The following KCNH7 variants were observed in gnomAD, a reference collection of about 807,000 sequenced individuals.
KCNH7 encodes potassium voltage-gated channel subfamily H member 7.
In KCNH7, 49 loss-of-function variants were observed where a neutral mutation model predicts 120.8. That is an observed-to-expected ratio of 0.41 (90% CI 0.32 to 0.51). KCNH7 has a LOEUF of 0.51. KCNH7 is among the 20% of genes least tolerant of loss of function. KCNH7 has a pLI of 0.38. For missense variants in KCNH7, 1,097 were observed against 1,446.6 expected, an observed-to-expected ratio of 0.76 and a Z score of 3.92; for synonymous variants, 547 against 516.1, an observed-to-expected ratio of 1.06 and a Z score of -0.81.
intron 2 of KCNH7, among the ~76,000 whole-genome samples, chr2:162,781,123 AG>A (rs1333102860): frequency 6.6e-6 from 1 of 152,076 alleles, no homozygotes; most frequent in East Asian, 1.9e-4. Context: ...AGAGGTTTGA[AG>A]TATTATATAC....
At chr2:162,699,272 C>A (rs1288910577) in intron 2 of KCNH7, among the ~76,000 whole-genome samples, 2 of 152,086 alleles carry the variant, frequency 1.3e-5, no homozygotes, top group African/African-American at 4.8e-5. Context: ...TAAGTGAGAT[C>A]ACATGGTATT....
At chr2:162,423,123 G>T in intron 9 of KCNH7, 1 of 955,218 alleles carries the variant, frequency 1.0e-6, no homozygotes, top group Non-Finnish European at 1.5e-6. Flanking sequence ...TTTGCATCAT[G>T]TTATAATGCC....
chr2:162,723,250 T>C (rs1687394711), intron 2 of KCNH7, among the ~76,000 whole-genome samples: 1 of 152,112 alleles, frequency 6.6e-6, no homozygotes, highest in Non-Finnish European at 1.5e-5. Flanking sequence ...CCTTTCCTGG[T>C]CTTCATGAAC....
chr2:162,638,703 T>A (rs557172048), intron 2 of KCNH7, among the ~76,000 whole-genome samples: 21 of 152,234 alleles, frequency 1.4e-4, no homozygotes, highest in Admixed American at 1.1e-3. Flanking sequence ...TGTGCAAACA[T>A]TTACTCTCTG....
intron 2 of KCNH7, among the ~76,000 whole-genome samples, chr2:162,699,662 T>G (rs886276704): frequency 6.6e-6 from 1 of 152,220 alleles, no homozygotes; most frequent in Admixed American, 6.5e-5. Flanking sequence ...GTTGATAGCA[T>G]GTCTTTTATT....
intron 9 of KCNH7, among the ~76,000 whole-genome samples, chr2:162,419,042 T>C (rs1208933524): frequency 6.6e-6 from 1 of 151,900 alleles, no homozygotes; most frequent in East Asian, 1.9e-4. Flanking sequence ...AGGATTCATC[T>C]AGTCTCTGCT....
At chr2:162,512,343 T>C (rs566455634) in intron 5 of KCNH7, among the ~76,000 whole-genome samples, 1 of 151,986 alleles carries the variant, frequency 6.6e-6, no homozygotes, top group African/African-American at 2.4e-5. Context: ...TTTGTGCCTC[T>C]GTCACATCAG....
rs1171673338 is a variant in KCNH7 at position 162,371,418 on chromosome 2, A to T, written c.*411T>A. 6 of 1,288,218 alleles carry T rather than the reference A, an allele frequency of 4.7e-6. No individual in the cohort carries two copies. The South Asian group carries it at 7.4e-5, about 16-fold the overall frequency. 79.8% of individuals were successfully genotyped at this position (1,288,218 alleles called of 1,614,324 possible). A position where few individuals can be genotyped will look rare whatever the true frequency, so the allele number is the denominator to read the frequency against. On this transcript the variant is annotated 3_prime_UTR_variant, in exon 16 of 16. Transcript: ENST00000332142. The stretch of plus-strand genomic sequence containing the variant: ...CCCCTGGAATTCCCATGAGTTGAGG[A>T]TCATCTGAATTTGAGTTGCATCCAT...
intron 2 of KCNH7, among the ~76,000 whole-genome samples, chr2:162,539,004 G>A (rs139497662): frequency 1.1e-4 from 17 of 152,156 alleles, no homozygotes; most frequent in African/African-American, 3.9e-4. Flanking sequence ...TACAGATGTT[G>A]GAAAATATGC....
intron 5 of KCNH7, 152 bp downstream of exon 5, chr2:162,512,502 A>G: frequency 3.5e-6 from 2 of 572,354 alleles, no homozygotes; most frequent in Non-Finnish European, 6.3e-6. Context: ...GTCTGTAGCA[A>G]AATCAAGCCA....
chr2:162,698,835 C>A (rs939870712), intron 2 of KCNH7, among the ~76,000 whole-genome samples: 13 of 152,042 alleles, frequency 8.6e-5, no homozygotes, highest in Non-Finnish European at 8.8e-5. Flanking sequence ...TAATTACTCT[C>A]ATTTACCTGT....
At chr2:162,595,178 A>C (rs1694338270) in intron 2 of KCNH7, among the ~76,000 whole-genome samples, 1 of 152,080 alleles carries the variant, frequency 6.6e-6, no homozygotes, top group Admixed American at 6.6e-5. Flanking sequence ...CAATCATGGC[A>C]GAAGGCAAAG....
chr2:162,781,988 T>C (rs1434698922), intron 2 of KCNH7, among the ~76,000 whole-genome samples: 1 of 152,226 alleles, frequency 6.6e-6, no homozygotes, highest in Non-Finnish European at 1.5e-5. Context: ...TTTAGGTTTT[T>C]CTAGTGTTAT....
chr2:162,626,440 T>G (rs1326156483), intron 2 of KCNH7, among the ~76,000 whole-genome samples: 1 of 152,132 alleles, frequency 6.6e-6, no homozygotes, highest in Non-Finnish European at 1.5e-5. Flanking sequence ...AAGTTTAACA[T>G]GAGAGAAAAC....
At chr2:162,517,448 T>C (rs1691344217) in intron 4 of KCNH7, among the ~76,000 whole-genome samples, 1 of 151,838 alleles carries the variant, frequency 6.6e-6, no homozygotes, top group Non-Finnish European at 1.5e-5. Context: ...GCACATGTTA[T>C]AATAAGCATT....
At chr2:162,436,897 C>T (rs1319870210) in intron 7 of KCNH7, among the ~76,000 whole-genome samples, 1 of 152,050 alleles carries the variant, frequency 6.6e-6, no homozygotes. Context: ...ATCACTTGAG[C>T]CCAGGTATTT....
chr2:162,757,680 T>G (rs143477445), intron 2 of KCNH7, among the ~76,000 whole-genome samples: 1 of 152,134 alleles, frequency 6.6e-6, no homozygotes, highest in East Asian at 1.9e-4. Flanking sequence ...GAGAATGACA[T>G]GAAAAAAAAA....
intron 2 of KCNH7, among the ~76,000 whole-genome samples, chr2:162,759,298 C>A (rs1044029330): frequency 3.3e-5 from 5 of 152,102 alleles, no homozygotes; most frequent in African/African-American, 1.2e-4. Flanking sequence ...TTGCCTCACA[C>A]AGGTCCTGGG....
intron 2 of KCNH7, among the ~76,000 whole-genome samples, chr2:162,592,089 A>G (rs983623035): frequency 6.6e-6 from 1 of 152,044 alleles, no homozygotes; most frequent in Non-Finnish European, 1.5e-5. Context: ...ATCTTTTTCA[A>G]TTTAACAAAA....
Sources: gnomAD v4.1 joint callset for allele counts (sites outside exome capture counted in the v4.1 genomes callset) on GRCh38, gnomAD v4.1.1 for gene constraint, MANE v1.5 for transcripts, NCBI Gene and HGNC (gene_info 2026-07-23, HGNC 2026-07-21) for gene names.